The following PKNOX1 variants were observed in gnomAD, a reference collection of about 807,000 sequenced individuals.
The protein encoded by PKNOX1 is homeobox protein PKNOX1.
A neutral mutation model predicts 51.9 loss-of-function variants in PKNOX1; 15 were observed. The ratio of observed to expected loss-of-function variants is 0.29; its 90% CI spans 0.19 to 0.45. PKNOX1 has a LOEUF of 0.45. PKNOX1 is among the 20% of genes least tolerant of loss of function. The pLI, the probability that PKNOX1 is intolerant of heterozygous loss-of-function variation, is 1.00. For missense variants in PKNOX1, 462 were observed against 547.5 expected (o/e 0.84, Z 1.56); for synonymous variants, 219 against 211.1 (o/e 1.04, Z -0.32).
At chr21:42,976,459 T>C (rs2058998202) in intron 1 of PKNOX1, among the ~76,000 whole-genome samples, 2 of 152,202 alleles carry the variant, frequency 1.3e-5, no homozygotes, top group Non-Finnish European at 2.9e-5. Context: ...CCTCCTTTCA[T>C]GAAAGACTTC....
chr21:42,982,670 A>T (rs535780431), intron 1 of PKNOX1, among the ~76,000 whole-genome samples: 1 of 144,318 alleles, frequency 6.9e-6, no homozygotes, highest in African/African-American at 2.6e-5. Flanking sequence ...GGTGGAGGTT[A>T]TGGTGAGCTG....
In PKNOX1 at chr21:42,994,011, T is replaced by C. The variant is rs928943659; in HGVS notation, c.-56-10315T>C. Among the ~76,000 whole-genome samples, 7 of 144,484 alleles carry C rather than the reference T, an allele frequency of 4.8e-5. No homozygotes were observed. In the South Asian group the frequency reaches 6.6e-4, roughly 14 times the overall value. 94.8% of individuals were successfully genotyped at this position (144,484 alleles called of 152,430 possible). ...CCTCTCAAAGTGTTGGGATTACAGG[T>C]GTGAGCCGCCGCGCCCAGCCTTTTT... On this transcript the variant is annotated intron_variant, in intron 1 of 10. Coordinates refer to ENST00000291547, the MANE Select transcript of PKNOX1 (RefSeq NM_004571.5).
intron 1 of PKNOX1, among the ~76,000 whole-genome samples, chr21:43,000,994 C>T (rs150385901): frequency 1.7e-4 from 26 of 152,200 alleles, no homozygotes; most frequent in Middle Eastern, 3.4e-3. Context: ...GAGGTGATGG[C>T]GCTGAATTAG....
Position 43,007,573 on chromosome 21 carries a change from T to G in PKNOX1, c.134T>G (p.Val45Gly). Residue 45 changes from valine (V) to glycine (G), a missense_variant, in exon 3 of 11, where the codon GTG (valine) becomes GGG (glycine). Around this residue, in one of 5 missense-constraint regions of PKNOX1, gnomAD observed 129 missense variants for 133.4 expected, o/e 0.97. Coordinates refer to ENST00000291547, the MANE Select transcript of PKNOX1 (RefSeq NM_004571.5). ...PDAEGVSPPP[V>G]ESQTPMDVDK... ...GCAGAAGGAGTGAGCCCTCCCCCTG[T>G]GGAGTCTCAGACCCCGATGGATGTG... 1 of 1,614,174 alleles carries G rather than the reference T, an allele frequency of 6.2e-7. No individual in the cohort carries two copies. The highest frequency in any genetic ancestry group is 8.5e-7 in the Non-Finnish European group (1 of 1,179,994).
Position 43,024,928 on chromosome 21 carries a change from C to T in PKNOX1, c.907C>T (p.Leu303=). ...GATTGCTGCTCAGACAAATTTGACACTACTCCAAGTCAACAACTGGTAAGG... is the reference window on the plus strand; with the variant it reads ...GATTGCTGCTCAGACAAATTTGACATTACTCCAAGTCAACAACTGGTAAGG... The part of the protein sequence containing the change: ...KQIAAQTNLT[L]LQVNNWFINA... The change falls in exon 9 of 11, where the codon CTA becomes TTA. Residue 303 remains leucine (L), a synonymous_variant. Transcript: ENST00000291547. 1 of 1,610,000 alleles carries T rather than the reference C, an allele frequency of 6.2e-7. No individual in the cohort carries two copies. The highest frequency in any genetic ancestry group is 2.2e-5 in the East Asian group (1 of 44,836).
chr21:42,987,090 A>C (rs948124619), intron 1 of PKNOX1, among the ~76,000 whole-genome samples: 5 of 152,024 alleles, frequency 3.3e-5, no homozygotes, highest in Non-Finnish European at 5.9e-5. Flanking sequence ...GATTTAAAGA[A>C]GTATACTCAG....
chr21:43,026,152 C>T (rs1007003520), intron 9 of PKNOX1, among the ~76,000 whole-genome samples: 2 of 152,084 alleles, frequency 1.3e-5, no homozygotes, highest in Admixed American at 6.6e-5. Flanking sequence ...GCTGGTGCCC[C>T]GTCACTGCTC....
chr21:42,974,743 G>A, intron 1 of PKNOX1, 79 bp downstream of exon 1: 1 of 161,268 alleles, frequency 6.2e-6, no homozygotes, highest in Non-Finnish European at 1.3e-5. Flanking sequence ...ACCGGCCCGC[G>A]GCCGCCGCCC....
intron 5 of PKNOX1, among the ~76,000 whole-genome samples, chr21:43,015,548 T>G (rs1979452466): frequency 6.6e-6 from 1 of 152,250 alleles, no homozygotes; most frequent in Non-Finnish European, 1.5e-5. Flanking sequence ...GTTTTGTTTT[T>G]CATACTGTCT....
chr21:43,003,008 C>T (rs368716839), intron 1 of PKNOX1, among the ~76,000 whole-genome samples: 13 of 152,318 alleles, frequency 8.5e-5, no homozygotes, highest in South Asian at 8.3e-4. Flanking sequence ...AGCCACTGCC[C>T]GGCTCCTTGT....
In PKNOX1 at chr21:42,986,017, A is replaced by T. The variant is rs75323937; in HGVS notation, c.-57+11353A>T. 4.1e-3 allele frequency among the ~76,000 whole-genome samples: 611 copies of T among 147,598 alleles called. 7 individuals carry two copies. The highest frequency in any genetic ancestry group is 0.014 in the African/African-American group (543 of 40,072). ...CTCTGTCTCAGAAAAAAAAAAAAAA[A>T]TTAAAAAAAAAATTGCAAAACCATT... On this transcript the variant is annotated intron_variant, in intron 1 of 10. Transcript: ENST00000291547.
Position 43,018,129 on chromosome 21 carries a change from C to CGA in PKNOX1, c.623-2_623-1dup, listed in dbSNP as rs1568901770. The CGA allele has an allele frequency of 6.4e-7, 1 of 1,568,608 alleles. No homozygotes were observed. The highest frequency in any genetic ancestry group is 2.2e-5 in the East Asian group (1 of 44,456). On this transcript the variant is annotated splice_region_variant and splice_polypyrimidine_tract_variant and intron_variant, in intron 6 of 10. Coordinates refer to ENST00000291547, the MANE Select transcript of PKNOX1 (RefSeq NM_004571.5). ...AGCCTCATATTTTTATTCTCCCTTTCGAGGTGGCACAGTGTATCAGCCTGT... is the reference window on the plus strand; with the variant it reads ...AGCCTCATATTTTTATTCTCCCTTTCGAGAGGTGGCACAGTGTATCAGCCTGT...
Position 43,030,284 on chromosome 21 carries a change from TGTGTGTGTGC to T in PKNOX1, c.*191_*200del, listed in dbSNP as rs1980203617. 20 of 330,392 alleles carry T rather than the reference TGTGTGTGTGC, an allele frequency of 6.1e-5. No individual in the cohort carries two copies. Among genetic ancestry groups the T allele is most frequent in the South Asian group, 1.2e-4 (2 of 16,958 alleles). The allele number at this position is 330,392 out of a possible 1,614,324, so 20.5% of individuals were successfully genotyped here. ...AAGTGTGTGTGTGTGTGTGTGTGTGTGTGTGTGTGCGTGTGTGCGTGTGTGTGGATTTTTA... is the reference window on the plus strand; with the variant it reads ...AAGTGTGTGTGTGTGTGTGTGTGTGTGTGTGTGCGTGTGTGTGGATTTTTA... On this transcript the variant is annotated 3_prime_UTR_variant, in exon 11 of 11. Coordinates refer to ENST00000291547, the MANE Select transcript of PKNOX1 (RefSeq NM_004571.5).
intron 2 of PKNOX1, among the ~76,000 whole-genome samples, chr21:43,005,639 G>A (rs1418979246): frequency 6.6e-6 from 1 of 151,136 alleles, no homozygotes; most frequent in East Asian, 1.9e-4. Context: ...GAGCTGCTCT[G>A]TGGCCCGAAT....
At chr21:43,013,031 C>A in intron 4 of PKNOX1, 37 bp from the exon 5 acceptor site, 1 of 1,528,676 alleles carries the variant, frequency 6.5e-7, no homozygotes, top group Non-Finnish European at 8.9e-7. Flanking sequence ...AATAATGCCA[C>A]CTTTTTCTCT....
chr21:42,976,729 T>C (rs2058999361), intron 1 of PKNOX1, among the ~76,000 whole-genome samples: 1 of 152,216 alleles, frequency 6.6e-6, no homozygotes, highest in African/African-American at 2.4e-5. Flanking sequence ...TCCACTGAAG[T>C]CTTGAACTCC....
chr21:42,979,699 G>A (rs556126205), intron 1 of PKNOX1, among the ~76,000 whole-genome samples: 7 of 151,926 alleles, frequency 4.6e-5, no homozygotes, highest in Non-Finnish European at 1.0e-4. Context: ...CCGAGATCGC[G>A]CCACTGCACT....
At position 43,033,226 on chromosome 21, in the gene PKNOX1, G is replaced by A. The variant is rs1404992666; in HGVS notation, c.*3125G>A. The A allele has an allele frequency of 6.6e-6, 1 of 152,214 alleles. No individual in the cohort carries two copies. Among genetic ancestry groups the A allele is most frequent in the African/African-American group, 2.4e-5 (1 of 41,430 alleles). The allele number at this position is 152,214 out of a possible 1,614,324, so 9.4% of individuals were successfully genotyped here. A position where few individuals can be genotyped will look rare whatever the true frequency, so the allele number is the denominator to read the frequency against. The stretch of plus-strand genomic sequence containing the variant: ...TCCAGATAGTAAGATGAGTGGAAGT[G>A]TTTATCGAGCATGCAAAAGAAACCC... On this transcript the variant is annotated 3_prime_UTR_variant, in exon 11 of 11. Transcript: ENST00000291547.
chr21:43,021,820 G>A lies in PKNOX1; in HGVS notation c.849+389G>A, dbSNP rs1979768792. Reference sequence around the variant, plus strand: ...GATGGGTTAGAGACATCGCAGGGCCGGGTGCACCCACAGGTGGGCCACCGG... The same window carrying A: ...GATGGGTTAGAGACATCGCAGGGCCAGGTGCACCCACAGGTGGGCCACCGG... On this transcript the variant is annotated intron_variant, in intron 8 of 10. Transcript: ENST00000291547. The surrounding 1 kb of genome is among the most constrained non-coding windows in gnomAD (Gnocchi z 4.6). 2.0e-5 allele frequency among the ~76,000 whole-genome samples: 3 copies of A among 152,352 alleles called. No homozygotes were observed. Among genetic ancestry groups the A allele is most frequent in the Middle Eastern group, 6.8e-3 (2 of 294 alleles).
Sources: gnomAD v4.1 joint callset for allele counts (sites outside exome capture counted in the v4.1 genomes callset) on GRCh38, gnomAD v4.1.1 for gene constraint, gnomAD v4.1.1 regional missense constraint, Gnocchi (gnomAD v3.1) non-coding constraint, MANE v1.5 for transcripts, NCBI Gene and HGNC (gene_info 2026-07-23, HGNC 2026-07-21) for gene names.